The following RBM4B variants were observed in gnomAD, a reference collection of about 807,000 sequenced individuals.
RBM4B encodes the protein RNA binding motif protein 4B.
A neutral mutation model predicts 28.5 loss-of-function variants in RBM4B; 13 were observed. The observed-to-expected ratio is 0.46, with a 90% CI of 0.30 to 0.72. RBM4B has a LOEUF of 0.72. Among genes scored for constraint, RBM4B ranks in the 30% least tolerant of loss-of-function variants. RBM4B has a pLI of 0.09. For missense variants in RBM4B, 387 were observed against 477.6 expected (o/e 0.81, Z 1.77); for synonymous variants, 167 against 179.1 (o/e 0.93, Z 0.54).
chr11:66,673,643 G>A (rs1186219834), intron 2 of RBM4B, among the ~76,000 whole-genome samples: 1 of 152,134 alleles, frequency 6.6e-6, no homozygotes, highest in African/African-American at 2.4e-5. Flanking sequence ...ATTTTTAGTA[G>A]AGACAGGGTT....
At position 66,669,013 on chromosome 11, in the gene RBM4B, C is replaced by T. The variant is rs760057266; in HGVS notation, c.691G>A (p.Ala231Thr). 14 of 1,614,100 alleles carry T rather than the reference C, an allele frequency of 8.7e-6. No individual in the cohort carries two copies. Among genetic ancestry groups the T allele is most frequent in the Admixed American group, 6.7e-5 (4 of 59,996 alleles). Reference protein sequence around the residue: ...YKRYRVRSYEAVAAAAAASAY... With the variant: ...YKRYRVRSYETVAAAAAASAY... Reference sequence around the variant, plus strand: ...GAAGCCGCTGCCGCCGCTGCTACTGCCTCATAAGAGCGGACCCGGTATCGC... The same window carrying T: ...GAAGCCGCTGCCGCCGCTGCTACTGTCTCATAAGAGCGGACCCGGTATCGC... Residue 231 changes from alanine to threonine, a missense_variant, in exon 3 of 4, where the codon GCA becomes ACA. Ala to Thr is a moderately conservative substitution (Grantham distance 58). Transcript: ENST00000310046.
In RBM4B at chr11:66,669,372, A is replaced by C. The variant is rs1027169528; in HGVS notation, c.413-81T>G. 8 of 1,354,814 alleles carry C rather than the reference A, an allele frequency of 5.9e-6. No individual in the cohort carries two copies. The African/African-American group carries it at 1.2e-4, about 19-fold the overall frequency. The allele number at this position is 1,354,814 out of a possible 1,614,324, so 83.9% of individuals were successfully genotyped here. On this transcript the variant is annotated intron_variant, in intron 2 of 3. Transcript: ENST00000310046. The stretch of plus-strand genomic sequence containing the variant: ...TCTCCTCCCCAAATGAAAGTAAATT[A>C]GTTGTCATAAGACACATAGACGCAC...
In RBM4B at chr11:66,669,300, A is replaced by G; in HGVS notation, c.413-9T>C. 1 of 1,609,886 alleles carries G rather than the reference A, an allele frequency of 6.2e-7. No individual in the cohort carries two copies. The highest frequency in any genetic ancestry group is 8.5e-7 in the Non-Finnish European group (1 of 1,176,690). On this transcript the variant is annotated splice_polypyrimidine_tract_variant and intron_variant, in intron 2 of 3. Transcript: ENST00000310046. Reference sequence around the variant, plus strand: ...CACATGCATTCTTTTGCCTTGAGGGAACAGATGTAAGAAGATTTATTTTAA... The same window carrying G: ...CACATGCATTCTTTTGCCTTGAGGGGACAGATGTAAGAAGATTTATTTTAA...
intron 2 of RBM4B, among the ~76,000 whole-genome samples, chr11:66,674,422 G>T (rs1590887515): frequency 6.6e-6 from 1 of 151,562 alleles, no homozygotes; most frequent in Non-Finnish European, 1.5e-5. Flanking sequence ...TAGAGACGGG[G>T]TTTCACCATG....
chr11:66,668,819 AG>A lies in RBM4B; in HGVS notation c.884del (p.Thr295IlefsTer70). The A allele has an allele frequency of 6.2e-7, 1 of 1,614,202 alleles. No individual in the cohort carries two copies. Reference protein sequence around the residue: ...SAAMAAAAATTSSYYGRDRSP... With the variant: ...SAAMAAAAATXSSYYGRDRSP... ...TCCTGTCCCTTCCATAGTAGGAGGA[AG>A]TGGTGGCTGCAGCAGCAGCCATAGC... On this transcript the variant is annotated frameshift_variant, in exon 3 of 4. Transcript: ENST00000310046. LOFTEE classifies it high-confidence loss of function.
chr11:66,672,018 G>C (rs1221060377), intron 2 of RBM4B, among the ~76,000 whole-genome samples: 3 of 152,046 alleles, frequency 2.0e-5, no homozygotes. Flanking sequence ...AAAGTGCTGG[G>C]ATTACAGGCG....
Position 66,668,743 on chromosome 11 carries a change from C to G in RBM4B, c.961G>C (p.Gly321Arg). The change falls in exon 3 of 4, where the codon GGT (glycine) becomes CGT (arginine). Residue 321 changes from glycine (G) to arginine (R), a missense_variant. Coordinates refer to ENST00000310046, the MANE Select transcript of RBM4B (RefSeq NM_031492.4). ...GATAATTCACTCTCTGGCCCATAAC[C>G]GTAGCCCTCTCCAACTGTGGGGAGC... ...AMLPTVGEGY[G>R]YGPESELSQA... 1 of 1,614,208 alleles carries G rather than the reference C, an allele frequency of 6.2e-7. No individual in the cohort carries two copies. The highest frequency in any genetic ancestry group is 8.5e-7 in the Non-Finnish European group (1 of 1,180,032).
At chr11:66,669,355 C>T in intron 2 of RBM4B, 64 bp from the exon 3 acceptor site, 3 of 1,494,630 alleles carry the variant, frequency 2.0e-6, no homozygotes, top group Non-Finnish European at 2.8e-6. Flanking sequence ...CCTCTCCTCC[C>T]CAAATGAAAG....
At chr11:66,671,104 G>C in intron 2 of RBM4B, 1 of 688,542 alleles carries the variant, frequency 1.5e-6, no homozygotes, top group Non-Finnish European at 2.7e-6. Context: ...CAATGTCAAA[G>C]AGTCCTATCA....
chr11:66,677,170 C>T (rs915306497), intron 1 of RBM4B, 79 bp from the exon 2 acceptor site: 1 of 1,512,050 alleles, frequency 6.6e-7, no homozygotes, highest in Non-Finnish European at 9.0e-7. Context: ...TCGTCTAATC[C>T]TCCAAAGTTC....
At chr11:66,676,130 G>A (rs1939628347) in intron 2 of RBM4B, 1 of 156,376 alleles carries the variant, frequency 6.4e-6, no homozygotes. Context: ...TCTGCTTGAA[G>A]AGACTGCACA....
chr11:66,667,154 T>A (rs1451324666), intron 3 of RBM4B: 1 of 152,170 alleles, frequency 6.6e-6, no homozygotes, highest in African/African-American at 2.4e-5. Flanking sequence ...CTTCTGGGGC[T>A]CCAATTCAAG....
At chr11:66,665,712 T>TCTAA (rs1387762434) in intron 3 of RBM4B, 134 bp from the exon 4 acceptor site, 1 of 1,438,442 alleles carries the variant, frequency 7.0e-7, no homozygotes, top group African/African-American at 1.4e-5. Context: ...TCAGACTGGA[T>TCTAA]CTAACTCATA....
intron 2 of RBM4B, 65 bp downstream of exon 2, chr11:66,676,603 T>A: frequency 6.4e-7 from 1 of 1,559,032 alleles, no homozygotes; most frequent in Non-Finnish European, 8.8e-7. Flanking sequence ...TCTATAGTCT[T>A]GTGTTCTTGC....
At chr11:66,666,501 G>A in intron 3 of RBM4B, 9 of 969,040 alleles carry the variant, frequency 9.3e-6, no homozygotes, top group Non-Finnish European at 1.1e-5. Flanking sequence ...CACCTGGAAG[G>A]TAAGTTTCTT....
At chr11:66,676,123 G>A (rs1939628158) in intron 2 of RBM4B, 1 of 156,042 alleles carries the variant, frequency 6.4e-6, no homozygotes, top group South Asian at 2.0e-4. Flanking sequence ...TTTTGACTCT[G>A]CTTGAAGAGA....
intron 2 of RBM4B, 25 bp from the exon 3 acceptor site, chr11:66,669,316 T>C: frequency 2.5e-6 from 4 of 1,597,128 alleles, no homozygotes; most frequent in Middle Eastern, 1.7e-4. Context: ...TGTAAGAAGA[T>C]TTATTTTAAC....
chr11:66,671,173 C>CA (rs1166432864), intron 2 of RBM4B, among the ~76,000 whole-genome samples: 3 of 152,196 alleles, frequency 2.0e-5, no homozygotes, highest in Non-Finnish European at 4.4e-5. Context: ...TGCTAGGAGA[C>CA]AGGCCGCATC....
chr11:66,674,925 T>A (rs2135249651), intron 2 of RBM4B, among the ~76,000 whole-genome samples: 1 of 152,330 alleles, frequency 6.6e-6, no homozygotes, highest in Middle Eastern at 3.4e-3. Context: ...CTAGAATACC[T>A]CTGCAGTTTG....
Sources: allele counts gnomAD v4.1 joint callset (sites outside exome capture counted in the v4.1 genomes callset), GRCh38; gene constraint gnomAD v4.1.1; transcripts MANE v1.5; gene names NCBI Gene and HGNC (gene_info 2026-07-23, HGNC 2026-07-21).